The following SLC9B1 variants were observed in gnomAD, a reference collection of about 807,000 sequenced individuals.
SLC9B1 encodes the protein solute carrier family 9 member B1.
A neutral mutation model predicts 51.7 loss-of-function variants in SLC9B1; 32 were observed. That is an observed-to-expected ratio of 0.62 (90% CI 0.47 to 0.83). The LOEUF (loss-of-function observed/expected upper bound fraction) is 0.83. SLC9B1 is among the 40% of genes least tolerant of loss of function. The pLI is 0.00. For synonymous variants in SLC9B1, 145 were observed against 212.7 expected, an observed-to-expected ratio of 0.68 and a Z score of 2.77; for missense variants, 406 against 613.2, an observed-to-expected ratio of 0.66 and a Z score of 3.57.
At chr4:102,997,079 G>T (rs1160984237) in intron 1 of SLC9B1, among the ~76,000 whole-genome samples, 2 of 151,996 alleles carry the variant, frequency 1.3e-5, no homozygotes, top group Non-Finnish European at 2.9e-5. Context: ...ATGAGCCATT[G>T]TGTCTGGCCA....
intron 1 of SLC9B1, among the ~76,000 whole-genome samples, chr4:102,994,417 T>C (rs924849353): frequency 2.0e-5 from 3 of 152,186 alleles, no homozygotes; most frequent in African/African-American, 7.2e-5. Context: ...TCATTGTCCA[T>C]ATCACCATCA....
intron 1 of SLC9B1, among the ~76,000 whole-genome samples, chr4:103,006,627 C>T (rs895722771): frequency 6.6e-6 from 1 of 152,066 alleles, no homozygotes; most frequent in Non-Finnish European, 1.5e-5. Flanking sequence ...GGAAGAACTC[C>T]CCAAGTCATT....
intron 3 of SLC9B1, among the ~76,000 whole-genome samples, chr4:102,965,917 G>C (rs6533046): frequency 0.57 from 87,390 of 152,078 alleles, 26,373 homozygotes; most frequent in African/African-American, 0.77. Context: ...AAGTTCAAAA[G>C]TCAGCAGGGC....
chr4:102,983,132 A>G (rs1739440380), intron 3 of SLC9B1, among the ~76,000 whole-genome samples: 1 of 152,144 alleles, frequency 6.6e-6, no homozygotes, highest in Non-Finnish European at 1.5e-5. Context: ...ACCTTTCTGC[A>G]TCTACTGATA....
chr4:102,969,044 G>A (rs564408707), intron 3 of SLC9B1, among the ~76,000 whole-genome samples: 2 of 152,194 alleles, frequency 1.3e-5, no homozygotes, highest in African/African-American at 2.4e-5. Flanking sequence ...GCTCGAACTG[G>A]GTGGAGCTCA....
intron 1 of SLC9B1, among the ~76,000 whole-genome samples, chr4:102,994,204 C>G (rs912609365): frequency 3.3e-5 from 5 of 152,130 alleles, no homozygotes; most frequent in Non-Finnish European, 5.9e-5. Flanking sequence ...CTTCTATGCT[C>G]TGCTTCCTCT....
chr4:102,901,942 T>C (rs1248141900), intron 11 of SLC9B1, among the ~76,000 whole-genome samples: 2 of 152,176 alleles, frequency 1.3e-5, no homozygotes, highest in African/African-American at 4.8e-5. Flanking sequence ...ATACTTATCT[T>C]ACTGAATGGT....
intron 1 of SLC9B1, among the ~76,000 whole-genome samples, chr4:102,999,612 C>T (rs1740412267): frequency 6.6e-6 from 1 of 152,124 alleles, no homozygotes; most frequent in Non-Finnish European, 1.5e-5. Flanking sequence ...CAGATGATAA[C>T]TTCTTTTGGA....
intron 7 of SLC9B1, among the ~76,000 whole-genome samples, chr4:102,915,968 A>G (rs1309710766): frequency 6.6e-6 from 1 of 152,164 alleles, no homozygotes; most frequent in Non-Finnish European, 1.5e-5. Flanking sequence ...GAACCCAAGC[A>G]TGCCCCTACC....
chr4:103,019,517 T>A, intron 1 of SLC9B1, 82 bp downstream of exon 1: 4 of 937,068 alleles, frequency 4.3e-6, no homozygotes, highest in Non-Finnish European at 5.1e-6. Context: ...TCCTGCGGCC[T>A]ACCGCAAGGA....
downstream of SLC9B1, among the ~76,000 whole-genome samples, chr4:102,899,302 T>C (rs988308158): frequency 9.9e-5 from 15 of 150,870 alleles, no homozygotes; most frequent in African/African-American, 3.6e-4. Context: ...ATAACACAAT[T>C]CCTCATTTTG....
At chr4:102,911,303 G>A in intron 8 of SLC9B1, 128 bp downstream of exon 8, 1 of 631,654 alleles carries the variant, frequency 1.6e-6, no homozygotes, top group South Asian at 2.0e-5. Flanking sequence ...TTTAAGTACA[G>A]AGTAGGCATT....
intron 1 of SLC9B1, 103 bp downstream of exon 1, chr4:103,019,496 A>T (rs1741630462): frequency 1.3e-6 from 1 of 763,080 alleles, no homozygotes; most frequent in Non-Finnish European, 1.6e-6. Flanking sequence ...ACTGAGGGGG[A>T]GGAAAGGCCC....
At position 102,926,135 on chromosome 4, in the gene SLC9B1, A is replaced by G. The variant is rs1291060574; in HGVS notation, c.829+5989T>C. 3.9e-5 allele frequency among the ~76,000 whole-genome samples: 6 copies of G among 152,422 alleles called. No homozygotes were observed. In the South Asian group the frequency reaches 8.3e-4, roughly 21 times the overall value. On this transcript the variant is annotated intron_variant, in intron 7 of 11. Coordinates refer to ENST00000296422, the MANE Select transcript of SLC9B1 (RefSeq NM_139173.4). Reference sequence around the variant, plus strand: ...GCTATTTATGACAAACCCACAGCCAATATCATACTGAATGGGCAAAAACTG... The same window carrying G: ...GCTATTTATGACAAACCCACAGCCAGTATCATACTGAATGGGCAAAAACTG...
At chr4:102,946,554 T>G (rs1473996084) in intron 5 of SLC9B1, 93 bp downstream of exon 5, 20 of 1,400,870 alleles carry the variant, frequency 1.4e-5, no homozygotes, top group Non-Finnish European at 1.9e-5. Context: ...AGACTCTATT[T>G]GGAACAGGAA....
intron 1 of SLC9B1, among the ~76,000 whole-genome samples, chr4:103,009,113 T>G (rs1740961995): frequency 6.6e-6 from 1 of 152,224 alleles, no homozygotes; most frequent in South Asian, 2.1e-4. Flanking sequence ...TTAACAGTTT[T>G]AAGTCTATGA....
intron 3 of SLC9B1, among the ~76,000 whole-genome samples, chr4:102,960,425 G>A (rs1440378960): frequency 6.6e-6 from 1 of 151,792 alleles, no homozygotes; most frequent in Non-Finnish European, 1.5e-5. Context: ...AAATAACATA[G>A]TATTGCTGAT....
intron 3 of SLC9B1, among the ~76,000 whole-genome samples, chr4:102,963,620 G>T (rs2110490981): frequency 6.6e-6 from 1 of 152,068 alleles, no homozygotes; most frequent in Admixed American, 6.5e-5. Context: ...CCATTCTGAA[G>T]GAATTTAAAT....
intron 4 of SLC9B1, among the ~76,000 whole-genome samples, chr4:102,947,829 A>G (rs1737342088): frequency 6.6e-6 from 1 of 152,268 alleles, no homozygotes; most frequent in African/African-American, 2.4e-5. Flanking sequence ...GTCACAAAAC[A>G]TCACCAAACT....
Sources: allele counts gnomAD v4.1 joint callset (sites outside exome capture counted in the v4.1 genomes callset), GRCh38; gene constraint gnomAD v4.1.1; transcripts MANE v1.5; gene names NCBI Gene and HGNC (gene_info 2026-07-23, HGNC 2026-07-21).